The following PCSK5 variants were observed in gnomAD, a reference collection of about 807,000 sequenced individuals.
The protein encoded by PCSK5 is prohormone convertase 5.
Under a neutral mutation model 233.2 loss-of-function variants are expected in PCSK5, and 129 were observed. The observed-to-expected ratio is 0.55, with a 90% CI of 0.48 to 0.64. The LOEUF is 0.64. Among genes scored for constraint, PCSK5 ranks in the 30% least tolerant of loss-of-function variants. The pLI, the probability that PCSK5 is intolerant of heterozygous loss-of-function variation, is 0.00. For missense variants in PCSK5, 2,076 were observed against 2,430.1 expected (o/e 0.85, Z 3.06); for synonymous variants, 825 against 879.2 (o/e 0.94, Z 1.09).
intron 7 of PCSK5, among the ~76,000 whole-genome samples, chr9:76,086,401 T>C (rs1401920207): frequency 1.3e-5 from 2 of 152,166 alleles, no homozygotes; most frequent in African/African-American, 4.8e-5. Context: ...ATGGGAAAAC[T>C]GTGCAGGGGC....
At chr9:76,218,288 A>G (rs1179545928) in intron 20 of PCSK5, among the ~76,000 whole-genome samples, 1 of 145,644 alleles carries the variant, frequency 6.9e-6, no homozygotes, top group Non-Finnish European at 1.5e-5. Flanking sequence ...TGCTAATAAT[A>G]AAAAAAAGAA....
chr9:76,348,698 T>C (rs1226628530), intron 35 of PCSK5, among the ~76,000 whole-genome samples: 2 of 152,178 alleles, frequency 1.3e-5, no homozygotes, highest in African/African-American at 4.8e-5. Context: ...AATACATTAT[T>C]GTTAATTATA....
At chr9:76,035,179 G>A (rs1263503983) in intron 5 of PCSK5, among the ~76,000 whole-genome samples, 1 of 152,152 alleles carries the variant, frequency 6.6e-6, no homozygotes, top group Non-Finnish European at 1.5e-5. Context: ...ACTGACACAA[G>A]TATGTTTGTT....
chr9:75,995,933 G>A (rs1827002678), intron 3 of PCSK5, among the ~76,000 whole-genome samples: 1 of 151,884 alleles, frequency 6.6e-6, no homozygotes. Flanking sequence ...GTGATAGTTT[G>A]TGAAGATCTA....
rs1427050113 is a variant in PCSK5, at chr9:76,063,855, A to G, written c.633-4100A>G. On this transcript the variant is annotated intron_variant, in intron 5 of 37. Transcript: ENST00000674117. The stretch of plus-strand genomic sequence containing the variant: ...CAATGAGCTGTTGGGCACACCTCCC[A>G]GACGGGGTGGTGGCCGGGCAGAGGG... Among the ~76,000 whole-genome samples the G allele has an allele frequency of 1.5e-4, 9 of 60,144 alleles. 3 individuals are homozygous for G. The highest frequency in any genetic ancestry group is 2.6e-4 in the Non-Finnish European group (9 of 34,308). 39.5% of individuals were successfully genotyped at this position (60,144 alleles called of 152,430 possible).
intron 24 of PCSK5, among the ~76,000 whole-genome samples, chr9:76,243,760 A>G (rs1341050090): frequency 8.1e-6 from 1 of 124,024 alleles, no homozygotes; most frequent in Non-Finnish European, 1.8e-5. Context: ...CCAGGACATA[A>G]TAAATATGAA....
At chr9:76,123,085 C>G (rs1832710357) in intron 9 of PCSK5, among the ~76,000 whole-genome samples, 1 of 151,996 alleles carries the variant, frequency 6.6e-6, no homozygotes, top group Non-Finnish European at 1.5e-5. Flanking sequence ...CTCAAGTGAT[C>G]CGCCCACCAT....
chr9:76,356,313 T>G (rs1406396432), intron 37 of PCSK5, among the ~76,000 whole-genome samples: 1 of 151,990 alleles, frequency 6.6e-6, no homozygotes, highest in Non-Finnish European at 1.5e-5. Flanking sequence ...TGCAGCAATC[T>G]GCGAAAGTAT....
chr9:76,140,011 C>G (rs978355902), intron 10 of PCSK5, among the ~76,000 whole-genome samples: 2 of 152,038 alleles, frequency 1.3e-5, no homozygotes, highest in African/African-American at 4.8e-5. Flanking sequence ...ATATGTGACG[C>G]TCAAAAATAT....
intron 7 of PCSK5, among the ~76,000 whole-genome samples, chr9:76,094,610 A>AT (rs34310543): frequency 2.9e-4 from 43 of 149,076 alleles, no homozygotes; most frequent in South Asian, 8.6e-4. Flanking sequence ...TAAGAAAGTC[A>AT]TTTTTTTTTT....
intron 5 of PCSK5, among the ~76,000 whole-genome samples, chr9:76,029,414 T>C (rs958614693): frequency 6.6e-6 from 1 of 152,120 alleles, no homozygotes; most frequent in South Asian, 2.1e-4. Flanking sequence ...TAACAACAGG[T>C]GTACTGTAGT....
At chr9:76,098,860 C>G (rs1831641955) in intron 8 of PCSK5, among the ~76,000 whole-genome samples, 1 of 152,168 alleles carries the variant, frequency 6.6e-6, no homozygotes, top group Non-Finnish European at 1.5e-5. Flanking sequence ...GGGCCTTCGT[C>G]ATTGTTTGCT....
At chr9:76,094,065 T>C (rs187536537) in intron 7 of PCSK5, among the ~76,000 whole-genome samples, 5 of 152,290 alleles carry the variant, frequency 3.3e-5, no homozygotes, top group Admixed American at 2.0e-4. Context: ...TGAAAGTTTA[T>C]CCCCCTCTCT....
intron 7 of PCSK5, among the ~76,000 whole-genome samples, chr9:76,082,600 C>T (rs577767410): frequency 9.9e-5 from 15 of 151,834 alleles, no homozygotes; most frequent in African/African-American, 2.7e-4. Flanking sequence ...GAAGTGCAAG[C>T]GAGCTCCGAA....
In PCSK5 at chr9:75,946,772, T is replaced by A. The variant is rs1338515515; in HGVS notation, c.297+14289T>A. On this transcript the variant is annotated intron_variant, in intron 2 of 37. Transcript: ENST00000674117. Reference sequence around the variant, plus strand: ...CCAGCTAATTTTTTTGTATTTTTGGTAGAGGCTGGGTTTCACTATGTTGGC... The same window carrying A: ...CCAGCTAATTTTTTTGTATTTTTGGAAGAGGCTGGGTTTCACTATGTTGGC... Among the ~76,000 whole-genome samples, 43 of 152,094 alleles carry A rather than the reference T, an allele frequency of 2.8e-4. 1 individual carries two copies. Among genetic ancestry groups the A allele is most frequent in the Admixed American group, 2.8e-3 (43 of 15,272 alleles).
At chr9:76,249,875 A>G (rs1826745277) in intron 24 of PCSK5, among the ~76,000 whole-genome samples, 1 of 152,248 alleles carries the variant, frequency 6.6e-6, no homozygotes, top group African/African-American at 2.4e-5. Flanking sequence ...GAATGGTATT[A>G]GATTATAACC....
chr9:76,292,253 T>C lies in PCSK5; in HGVS notation c.3163T>C (p.Ser1055Pro). Reference protein sequence around the residue: ...CSLDDPGTCTSCAMGYYRFDH... With the variant: ...CSLDDPGTCTPCAMGYYRFDH... The stretch of plus-strand genomic sequence containing the variant: ...TCCAGATGATCCAGGAACATGTACA[T>C]CTTGCGCTATGGGGTATTACAGGTA... The change falls in exon 25 of 38, where the codon TCT becomes CCT. Residue 1055 changes from serine (S) to proline (P), a missense_variant. Around this residue, in one of 6 missense-constraint regions of PCSK5, gnomAD observed 1,510 missense variants for 1,538.1 expected, o/e 0.98. Coordinates refer to ENST00000674117, the MANE Select transcript of PCSK5 (RefSeq NM_001372043.1). 3 of 1,578,488 alleles carry C rather than the reference T, an allele frequency of 1.9e-6. No homozygotes were observed. Among genetic ancestry groups the C allele is most frequent in the East Asian group, 2.2e-5 (1 of 44,754 alleles).
At chr9:76,161,509 C>G (rs1482062996) in intron 12 of PCSK5, among the ~76,000 whole-genome samples, 1 of 150,736 alleles carries the variant, frequency 6.6e-6, no homozygotes, top group Non-Finnish European at 1.5e-5. Flanking sequence ...TGGTGAAATA[C>G]TGTGAAGTGC....
In PCSK5 at chr9:76,122,057, T is replaced by C. The variant is rs1042030230; in HGVS notation, c.1209-12052T>C. 4.5e-5 allele frequency among the ~76,000 whole-genome samples: 2 copies of C among 44,378 alleles called. 1 individual carries two copies. Among genetic ancestry groups the C allele is most frequent in the African/African-American group, 1.2e-4 (2 of 16,600 alleles). The allele number at this position is 44,378 out of a possible 152,430, so 29.1% of individuals were successfully genotyped here. On this transcript the variant is annotated intron_variant, in intron 9 of 37. Transcript: ENST00000674117. ...CCGGGATGGTCTCGATCTCCTGACC[T>C]CGTGATCCGCCCGCCTCGGCCTCCC... is the stretch of plus-strand genomic sequence containing the variant.
Sources: allele counts gnomAD v4.1 joint callset (sites outside exome capture counted in the v4.1 genomes callset), GRCh38; gene constraint gnomAD v4.1.1; regional missense constraint gnomAD v4.1.1; transcripts MANE v1.5; gene names NCBI Gene and HGNC (gene_info 2026-07-23, HGNC 2026-07-21).